ANKIB1: variants seen among roughly 807,000 people sequenced by gnomAD.
The protein encoded by ANKIB1 is ankyrin repeat and IBR domain containing 1, also known as ankyrin repeat and IBR domain-containing protein 1.
ANKIB1 carries 43 observed loss-of-function variants against 122.1 expected under a neutral mutation model. That is an observed-to-expected ratio of 0.35 (90% CI 0.28 to 0.45). ANKIB1 has a LOEUF of 0.45. Ranked by LOEUF, ANKIB1 falls within the 20% of genes least tolerant of loss-of-function variation. The pLI, the probability that ANKIB1 is intolerant of heterozygous loss-of-function variation, is 1.00. For synonymous variants in ANKIB1, 390 were observed against 442.0 expected, an observed-to-expected ratio of 0.88 and a Z score of 1.48; for missense variants, 992 against 1,329.5, an observed-to-expected ratio of 0.75 and a Z score of 3.95.
At chr7:92,291,493 A>G (rs907473818) in intron 1 of ANKIB1, among the ~76,000 whole-genome samples, 1 of 152,000 alleles carries the variant, frequency 6.6e-6, no homozygotes, top group Non-Finnish European at 1.5e-5. Flanking sequence ...TTATAAAGGC[A>G]TTCACAATTA....
At position 92,246,337 on chromosome 7, in the gene ANKIB1, C is replaced by A; in HGVS notation, c.-273C>A. ...CCCGCGGGCCGCCAGTGCGCACCCT[C>A]GGCCACATCAGCCTCCGCCTGGCGG... is the stretch of plus-strand genomic sequence containing the variant. On this transcript the variant is annotated 5_prime_UTR_variant, in exon 1 of 20. Coordinates refer to ENST00000265742, the MANE Select transcript of ANKIB1 (RefSeq NM_019004.2). 2.3e-6 allele frequency: 1 copy of A among 438,512 alleles called. No individual in the cohort carries two copies. The highest frequency in any genetic ancestry group is 4.5e-6 in the Non-Finnish European group (1 of 221,076). The allele number at this position is 438,512 out of a possible 1,614,324, so 27.2% of individuals were successfully genotyped here.
chr7:92,360,657 C>T (rs1803921793), intron 9 of ANKIB1, among the ~76,000 whole-genome samples: 1 of 152,198 alleles, frequency 6.6e-6, no homozygotes, highest in African/African-American at 2.4e-5. Context: ...AGTCACCAAA[C>T]TATTTTTCAC....
intron 1 of ANKIB1, among the ~76,000 whole-genome samples, chr7:92,271,357 T>C (rs186716326): frequency 1.1e-3 from 167 of 152,344 alleles, no homozygotes; most frequent in Non-Finnish European, 1.9e-3. Flanking sequence ...GTCTTAATTC[T>C]TGTGGTTTAG....
chr7:92,287,480 T>C (rs945377244), intron 1 of ANKIB1, among the ~76,000 whole-genome samples: 5 of 152,256 alleles, frequency 3.3e-5, no homozygotes, highest in Non-Finnish European at 7.3e-5. Flanking sequence ...ACAGAACTTA[T>C]GTGCCTTTTT....
At position 92,371,913 on chromosome 7, in the gene ANKIB1, C is replaced by T. The variant is rs143347738; in HGVS notation, c.1617+306C>T. On this transcript the variant is annotated intron_variant, in intron 11 of 19. Coordinates refer to ENST00000265742, the MANE Select transcript of ANKIB1 (RefSeq NM_019004.2). Reference sequence around the variant, plus strand: ...ATCCTTCCTTGCTAGTCACCTTCCCCGCTAGTCACCTTCCCCAGTGAGAGT... The same window carrying T: ...ATCCTTCCTTGCTAGTCACCTTCCCTGCTAGTCACCTTCCCCAGTGAGAGT... Among the ~76,000 whole-genome samples, 14 of 151,068 alleles carry T rather than the reference C, an allele frequency of 9.3e-5. No homozygotes were observed. In the South Asian group the frequency reaches 1.0e-3, roughly 11 times the overall value.
intron 1 of ANKIB1, among the ~76,000 whole-genome samples, chr7:92,269,595 G>C (rs1801740422): frequency 6.6e-6 from 1 of 152,116 alleles, no homozygotes. Context: ...GGGACCTGTT[G>C]CCCTGTTATA....
At chr7:92,381,460 T>C (rs1032174687) in intron 11 of ANKIB1, among the ~76,000 whole-genome samples, 17 of 151,974 alleles carry the variant, frequency 1.1e-4, no homozygotes, top group Non-Finnish European at 2.2e-4. Flanking sequence ...AATGTTGAAA[T>C]GGAGGAAAAA....
In ANKIB1 at chr7:92,398,202, G is replaced by A; in HGVS notation, c.2533-10G>A. The A allele has an allele frequency of 6.4e-7, 1 of 1,557,050 alleles. No homozygotes were observed. The highest frequency in any genetic ancestry group is 8.7e-7 in the Non-Finnish European group (1 of 1,155,796). ...AAATTTTAAAGTGGTTTTGCTTTCT[G>A]TTGCTTCAGGCTCTGAGTTCCTTGG... On this transcript the variant is annotated splice_polypyrimidine_tract_variant and intron_variant, in intron 19 of 19. Transcript: ENST00000265742.
chr7:92,398,379 C>T lies in ANKIB1; in HGVS notation c.2700C>T (p.Pro900=). The change falls in exon 20 of 20, where the codon CCC becomes CCT. Residue 900 remains proline, a synonymous_variant. Coordinates refer to ENST00000265742, the MANE Select transcript of ANKIB1 (RefSeq NM_019004.2). ...TSLPSRLDSV[P]RNTDSPRAAL... Reference sequence around the variant, plus strand: ...TACCTTCCAGGCTGGACTCTGTCCCCAGAAATACAGATAGCCCTCGGGCTG... The same window carrying T: ...TACCTTCCAGGCTGGACTCTGTCCCTAGAAATACAGATAGCCCTCGGGCTG... 1 of 1,613,172 alleles carries T rather than the reference C, an allele frequency of 6.2e-7. No individual in the cohort carries two copies. The highest frequency in any genetic ancestry group is 8.5e-7 in the Non-Finnish European group (1 of 1,179,528).
At chr7:92,381,580 T>C (rs1051901252) in intron 11 of ANKIB1, among the ~76,000 whole-genome samples, 1 of 152,108 alleles carries the variant, frequency 6.6e-6, no homozygotes. Context: ...GAGTGGGGGC[T>C]AATATTCAAC....
At chr7:92,320,981 C>T (rs775105016) in intron 4 of ANKIB1, among the ~76,000 whole-genome samples, 7 of 152,128 alleles carry the variant, frequency 4.6e-5, no homozygotes, top group Non-Finnish European at 8.8e-5. Flanking sequence ...AATACCTAGA[C>T]TACACCAAGG....
chr7:92,246,154 G>C lies in ANKIB1; in HGVS notation c.-456G>C. The C allele has an allele frequency of 9.4e-6, 3 of 317,672 alleles. No individual in the cohort carries two copies. The highest frequency in any genetic ancestry group is 6.8e-5 in the South Asian group (3 of 44,080). 19.7% of individuals were successfully genotyped at this position (317,672 alleles called of 1,614,324 possible). On this transcript the variant is annotated 5_prime_UTR_variant, in exon 1 of 20. Transcript: ENST00000265742. ...GGCGGCCGGGGCTGCGAGCGCGCAA[G>C]GCTGGAACATGAGCCGGGCTTGACC... is the stretch of plus-strand genomic sequence containing the variant.
At chr7:92,289,634 A>G (rs2131912612) in intron 1 of ANKIB1, among the ~76,000 whole-genome samples, 1 of 152,308 alleles carries the variant, frequency 6.6e-6, no homozygotes, top group Middle Eastern at 3.4e-3. Flanking sequence ...CGTTCCCCTT[A>G]AGACCAGTTG....
At chr7:92,329,249 A>G (rs1803102615) in intron 5 of ANKIB1, among the ~76,000 whole-genome samples, 1 of 152,144 alleles carries the variant, frequency 6.6e-6, no homozygotes, top group Non-Finnish European at 1.5e-5. Flanking sequence ...TACAGGCGTG[A>G]GTCACCGCAC....
At chr7:92,387,945 G>A (rs1407863593) in intron 13 of ANKIB1, 30 bp from the exon 14 acceptor site, 8 of 1,598,244 alleles carry the variant, frequency 5.0e-6, no homozygotes, top group Non-Finnish European at 6.8e-6. Context: ...TAAAGAGAAT[G>A]GTTTAAATTC....
At chr7:92,247,863 A>G (rs1227300374) in intron 1 of ANKIB1, among the ~76,000 whole-genome samples, 1 of 152,240 alleles carries the variant, frequency 6.6e-6, no homozygotes, top group African/African-American at 2.4e-5. Context: ...TCATTAAGAA[A>G]GATGGATGTG....
chr7:92,300,089 A>G (rs2131926072), intron 2 of ANKIB1, among the ~76,000 whole-genome samples: 1 of 152,294 alleles, frequency 6.6e-6, no homozygotes, highest in Non-Finnish European at 1.5e-5. Flanking sequence ...ACTTACAGGC[A>G]TGAGCCGCCA....
chr7:92,376,445 A>ATTT (rs1226527636), intron 11 of ANKIB1, among the ~76,000 whole-genome samples: 1 of 142,978 alleles, frequency 7.0e-6, no homozygotes, highest in Non-Finnish European at 1.5e-5. Context: ...CTTTTTTTTT[A>ATTT]TTTTTTATTT....
At chr7:92,303,734 T>C (rs142503959) in intron 2 of ANKIB1, among the ~76,000 whole-genome samples, 1 of 152,292 alleles carries the variant, frequency 6.6e-6, no homozygotes, top group African/African-American at 2.4e-5. Context: ...AAGCAGTTGG[T>C]AATTTAAAGT....
Sources: allele counts gnomAD v4.1 joint callset (sites outside exome capture counted in the v4.1 genomes callset), GRCh38; gene constraint gnomAD v4.1.1; transcripts MANE v1.5; gene names NCBI Gene and HGNC (gene_info 2026-07-23, HGNC 2026-07-21).